The following C17orf75 variants were observed in gnomAD, a reference collection of about 807,000 sequenced individuals.
C17orf75 encodes the protein chromosome 17 open reading frame 75, also known as protein Njmu-R1.
A neutral mutation model predicts 49.6 loss-of-function variants in C17orf75; 32 were observed. The ratio of observed to expected loss-of-function variants is 0.65; its 90% CI spans 0.49 to 0.87. The LOEUF is 0.87. Ranked by LOEUF, C17orf75 falls within the 40% of genes least tolerant of loss-of-function variation. The pLI is 0.00. For synonymous variants in C17orf75, 158 were observed against 159.5 expected (o/e 0.99, Z 0.07); for missense variants, 428 against 473.9 (o/e 0.90, Z 0.90).
chr17:32,346,439 A>C (rs1029157241), upstream of C17orf75, among the ~76,000 whole-genome samples: 1 of 152,150 alleles, frequency 6.6e-6, no homozygotes, highest in Non-Finnish European at 1.5e-5. Flanking sequence ...TTTCATAGAG[A>C]CAGGATATTG....
chr17:32,338,477 C>A (rs2041347120), intron 3 of C17orf75, 126 bp from the exon 4 acceptor site: 2 of 864,388 alleles, frequency 2.3e-6, no homozygotes, highest in South Asian at 2.0e-5. Context: ...TAACTCAGAG[C>A]TTCCCAGACT....
At chr17:32,340,476 T>TAA (rs1255966537) in intron 2 of C17orf75, among the ~76,000 whole-genome samples, 3 of 150,020 alleles carry the variant, frequency 2.0e-5, no homozygotes, top group Non-Finnish European at 3.0e-5. Flanking sequence ...CCGTCTCTAC[T>TAA]AAAAAAAAAT....
At chr17:32,342,206 T>G (rs2041389242), upstream of C17orf75, 1 of 1,435,182 alleles carries the variant, frequency 7.0e-7, no homozygotes. Flanking sequence ...CAGCCGTCGG[T>G]ATCAGGGCTC....
chr17:32,328,879 GA>G lies in C17orf75; in HGVS notation c.*2883del, dbSNP rs2041253255. On this transcript the variant is annotated 3_prime_UTR_variant, in exon 10 of 10. Coordinates refer to ENST00000577809, the MANE Select transcript of C17orf75 (RefSeq NM_022344.4). ...CACTCCAGCCTGGGTGACAGAGCGAGATTCTGTCTTAAAAAATAAAACAAAA... is the reference window on the plus strand; with the variant it reads ...CACTCCAGCCTGGGTGACAGAGCGAGTTCTGTCTTAAAAAATAAAACAAAA... 1 of 146,502 alleles carries G rather than the reference GA, an allele frequency of 6.8e-6. No individual in the cohort carries two copies. Among genetic ancestry groups the G allele is most frequent in the South Asian group, 2.3e-4 (1 of 4,294 alleles). 9.1% of individuals were successfully genotyped at this position (146,502 alleles called of 1,614,324 possible). A position where few individuals can be genotyped will look rare whatever the true frequency, so the allele number is the denominator to read the frequency against.
chr17:32,334,427 C>T (rs773503250), intron 8 of C17orf75, 42 bp downstream of exon 8: 8 of 1,586,678 alleles, frequency 5.0e-6, no homozygotes, highest in African/African-American at 4.0e-5. Context: ...GATGGGGACT[C>T]GCAAGAGATG....
chr17:32,347,711 C>G (rs1011108541), intron 1 of C17orf75, among the ~76,000 whole-genome samples: 10 of 152,262 alleles, frequency 6.6e-5, no homozygotes, highest in African/African-American at 2.4e-4. Context: ...AGTTTAGTTC[C>G]TTCCAGCACT....
chr17:32,341,714 C>T (rs1342452068), intron 1 of C17orf75: 1 of 781,798 alleles, frequency 1.3e-6, no homozygotes, highest in Non-Finnish European at 1.6e-6. Context: ...CGGGGCACTG[C>T]GCTAAACAAA....
At chr17:32,349,961 A>G (rs1469116718) in exon 1 of C17orf75, 19 of 1,158,640 alleles carry the variant, frequency 1.6e-5, no homozygotes, top group Non-Finnish European at 1.7e-5. Flanking sequence ...CGGCTCCTTT[A>G]CAAATGAAAC....
intron 3 of C17orf75, among the ~76,000 whole-genome samples, chr17:32,338,658 T>C (rs1007322310): frequency 1.3e-5 from 2 of 152,166 alleles, no homozygotes; most frequent in Non-Finnish European, 2.9e-5. Flanking sequence ...AAAAAAAGTA[T>C]GTTCTCCCCT....
upstream of C17orf75, among the ~76,000 whole-genome samples, chr17:32,343,301 T>TTG (rs1434581727): frequency 2.4e-4 from 34 of 141,688 alleles, no homozygotes; most frequent in African/African-American, 9.6e-4. Flanking sequence ...TGCGTGTGTT[T>TTG]TGTGTTTTTT....
At chr17:32,345,462 T>G, upstream of C17orf75, among the ~76,000 whole-genome samples, 1 of 151,790 alleles carries the variant, frequency 6.6e-6, no homozygotes, top group Non-Finnish European at 1.5e-5. Context: ...GGCAACAGAG[T>G]AAGACTCCAT....
At position 32,342,133 on chromosome 17, in the gene C17orf75, G is replaced by A. The variant is rs1358069341; in HGVS notation, c.7C>T (p.Pro3Ser). ML[P>S]SLQESMDGDE... Reference sequence around the variant, plus strand: ...CCATCCATCGACTCCTGCAAAGAGGGGAGCATTGCGGCGGCCTCTGAGCGG... The same window carrying A: ...CCATCCATCGACTCCTGCAAAGAGGAGAGCATTGCGGCGGCCTCTGAGCGG... Residue 3 changes from proline to serine, a missense_variant, in exon 1 of 10, where the codon CCC becomes TCC. Coordinates refer to ENST00000577809, the MANE Select transcript of C17orf75 (RefSeq NM_022344.4). 3.8e-6 allele frequency: 6 copies of A among 1,598,188 alleles called. No individual in the cohort carries two copies. The highest frequency in any genetic ancestry group is 2.3e-5 in the East Asian group (1 of 43,538).
chr17:32,339,024 G>C (rs1245288928), intron 3 of C17orf75, among the ~76,000 whole-genome samples: 1 of 152,084 alleles, frequency 6.6e-6, no homozygotes, highest in African/African-American at 2.4e-5. Context: ...CAGGGAGGCG[G>C]AGGTTGCAGT....
chr17:32,333,223 C>T (rs1054839097), intron 9 of C17orf75, among the ~76,000 whole-genome samples, 194 bp downstream of exon 9: 3 of 152,114 alleles, frequency 2.0e-5, no homozygotes, highest in African/African-American at 7.2e-5. Context: ...AGCATTCAAC[C>T]CAATTTATTA....
At chr17:32,349,359 A>G (rs1401293913) in intron 1 of C17orf75, among the ~76,000 whole-genome samples, 1 of 151,634 alleles carries the variant, frequency 6.6e-6, no homozygotes, top group East Asian at 2.0e-4. Context: ...AGGCGGGCGG[A>G]TCACTTGAGC....
chr17:32,339,450 C>T (rs1388812522), intron 3 of C17orf75, among the ~76,000 whole-genome samples: 1 of 150,150 alleles, frequency 6.7e-6, no homozygotes, highest in Admixed American at 6.7e-5. Flanking sequence ...TGCTGGGCAT[C>T]GTAGTGCCTG....
rs1218361761 is a variant in C17orf75 at position 32,328,691 on chromosome 17, C to G, written c.*3072G>C. 4 of 152,218 alleles carry G rather than the reference C, an allele frequency of 2.6e-5. No homozygotes were observed. Among genetic ancestry groups the G allele is most frequent in the African/African-American group, 7.2e-5 (3 of 41,450 alleles). The allele number at this position is 152,218 out of a possible 1,614,324, so 9.4% of individuals were successfully genotyped here. ...GGATCACAAGGTGAGAAGATCGAGA[C>G]CATCCTGGCTAACACGGTGAAACCC... On this transcript the variant is annotated 3_prime_UTR_variant, in exon 10 of 10. Coordinates refer to ENST00000577809, the MANE Select transcript of C17orf75 (RefSeq NM_022344.4).
At chr17:32,342,797 G>C (rs1270778358), upstream of C17orf75, among the ~76,000 whole-genome samples, 2 of 152,120 alleles carry the variant, frequency 1.3e-5, no homozygotes, top group Non-Finnish European at 2.9e-5. Flanking sequence ...AATTAGCCAC[G>C]TGTGGTGGTT....
chr17:32,349,055 A>C (rs1405917510), intron 1 of C17orf75, among the ~76,000 whole-genome samples: 1 of 151,438 alleles, frequency 6.6e-6, no homozygotes, highest in Non-Finnish European at 1.5e-5. Context: ...TAGTAGAGAC[A>C]GGGTTTCACC....
Sources: gnomAD v4.1 joint callset for allele counts (sites outside exome capture counted in the v4.1 genomes callset) on GRCh38, gnomAD v4.1.1 for gene constraint, MANE v1.5 for transcripts, NCBI Gene and HGNC (gene_info 2026-07-23, HGNC 2026-07-21) for gene names.